The following ENPP6 variants were observed in gnomAD, a reference collection of about 807,000 sequenced individuals.
ENPP6 encodes ectonucleotide pyrophosphatase/phosphodiesterase 6, also known as glycerophosphocholine cholinephosphodiesterase ENPP6.
A neutral mutation model predicts 42.0 loss-of-function variants in ENPP6; 32 were observed. That is an observed-to-expected ratio of 0.76 (90% CI 0.58 to 1.02). ENPP6 has a LOEUF of 1.02. Among genes scored for constraint, ENPP6 ranks in the 50% least tolerant of loss-of-function variants. The probability of loss-of-function intolerance (pLI) is 0.00; values close to 1 mark genes in which losing one functional copy is unlikely to be tolerated. For synonymous variants in ENPP6, 213 were observed against 216.0 expected, an observed-to-expected ratio of 0.99 and a Z score of 0.12; for missense variants, 552 against 566.8, an observed-to-expected ratio of 0.97 and a Z score of 0.27.
chr4:184,200,336 G>A (rs976922230), intron 1 of ENPP6, among the ~76,000 whole-genome samples: 5 of 152,178 alleles, frequency 3.3e-5, no homozygotes, highest in Non-Finnish European at 5.9e-5. Context: ...AGCCATCGCC[G>A]CGTTTCCTTA....
chr4:184,193,608 G>C (rs1183788198), intron 1 of ENPP6, among the ~76,000 whole-genome samples: 1 of 152,152 alleles, frequency 6.6e-6, no homozygotes, highest in East Asian at 1.9e-4. Context: ...TCTTAAAATG[G>C]CTAGATTTTA....
rs1560982025 is a variant in ENPP6, at chr4:184,113,965, C to CTTTCTTTCTT, written c.856-1157_856-1156insAAGAAAGAAA. Among the ~76,000 whole-genome samples, 240 of 36,508 alleles carry CTTTCTTTCTT rather than the reference C, an allele frequency of 6.6e-3. 3 individuals are homozygous for CTTTCTTTCTT. Among genetic ancestry groups the CTTTCTTTCTT allele is most frequent in the Non-Finnish European group, 8.1e-3 (131 of 16,260 alleles). 24.0% of individuals were successfully genotyped at this position (36,508 alleles called of 152,430 possible). A position where few individuals can be genotyped will look rare whatever the true frequency, so the allele number is the denominator to read the frequency against. ...TTTCTTTCTTTCTTTCTTTCTTTCT[C>CTTTCTTTCTT]TCTTTCTTTCTTTCTTTTTGATGGA... On this transcript the variant is annotated intron_variant, in intron 5 of 7. Coordinates refer to ENST00000296741, the MANE Select transcript of ENPP6 (RefSeq NM_153343.4).
chr4:184,169,373 C>T (rs1737419379), intron 1 of ENPP6, among the ~76,000 whole-genome samples: 1 of 152,134 alleles, frequency 6.6e-6, no homozygotes, highest in Admixed American at 6.5e-5. Flanking sequence ...AGACATGGCC[C>T]CAGGAAGAGA....
intron 6 of ENPP6, among the ~76,000 whole-genome samples, chr4:184,099,960 C>T (rs1349548050): frequency 2.6e-5 from 4 of 152,218 alleles, no homozygotes; most frequent in Admixed American, 2.0e-4. Context: ...CTGTGTGTGC[C>T]CCATGGCAAA....
chr4:184,109,756 T>C (rs1400237294), intron 6 of ENPP6, among the ~76,000 whole-genome samples: 1 of 152,250 alleles, frequency 6.6e-6, no homozygotes, highest in Non-Finnish European at 1.5e-5. Flanking sequence ...CATTCTTCCT[T>C]TCTGTTCTGT....
intron 6 of ENPP6, among the ~76,000 whole-genome samples, chr4:184,104,891 G>A (rs147854325): frequency 1.8e-3 from 273 of 152,340 alleles, no homozygotes; most frequent in African/African-American, 6.2e-3. Flanking sequence ...GCAAGGCAGA[G>A]TCCAAAACAG....
intron 1 of ENPP6, among the ~76,000 whole-genome samples, chr4:184,209,199 G>A (rs1335059289): frequency 3.3e-5 from 5 of 151,772 alleles, no homozygotes; most frequent in South Asian, 4.2e-4. Context: ...CCAAAGGAAC[G>A]CAGCTCCTCA....
intron 1 of ENPP6, among the ~76,000 whole-genome samples, chr4:184,193,183 A>G (rs1422097716): frequency 6.6e-6 from 1 of 152,244 alleles, no homozygotes; most frequent in East Asian, 1.9e-4. Flanking sequence ...AGGCTTGTGC[A>G]CAAATGTTCA....
rs759783423 is a variant in ENPP6, at chr4:184,146,578, G to A, written c.421+6976C>T. ...ATAGCCGCAAAGTCCAGAGCTGGCC[G>A]GGGTGCCCCGTTAATAAATGCAGAT... On this transcript the variant is annotated intron_variant, in intron 2 of 7. Transcript: ENST00000296741. Among the ~76,000 whole-genome samples the A allele has an allele frequency of 1.3e-4, 20 of 152,218 alleles. 1 individual carries two copies. Among genetic ancestry groups the A allele is most frequent in the African/African-American group, 4.1e-4 (17 of 41,456 alleles).
At chr4:184,137,663 G>A (rs558391906) in intron 2 of ENPP6, among the ~76,000 whole-genome samples, 21 of 152,306 alleles carry the variant, frequency 1.4e-4, no homozygotes, top group Non-Finnish European at 2.4e-4. Context: ...TCTTTATGAA[G>A]GCTTGCCCCT....
intron 1 of ENPP6, among the ~76,000 whole-genome samples, chr4:184,217,319 A>G (rs938633989): frequency 6.6e-6 from 1 of 152,228 alleles, no homozygotes; most frequent in African/African-American, 2.4e-5. Context: ...AATATCGTCA[A>G]ATATCATGTA....
intron 1 of ENPP6, among the ~76,000 whole-genome samples, chr4:184,159,810 CT>C (rs2111083166): frequency 6.6e-6 from 1 of 152,270 alleles, no homozygotes; most frequent in Non-Finnish European, 1.5e-5. Flanking sequence ...CCATCCCACC[CT>C]TTTGCCATGA....
At chr4:184,202,678 G>A (rs537804939) in intron 1 of ENPP6, among the ~76,000 whole-genome samples, 1 of 152,206 alleles carries the variant, frequency 6.6e-6, no homozygotes, top group South Asian at 2.1e-4. Context: ...TTTAGAAGTT[G>A]CTTTTTTCAG....
intron 1 of ENPP6, among the ~76,000 whole-genome samples, chr4:184,199,344 G>A (rs1732855855): frequency 6.6e-6 from 1 of 152,186 alleles, no homozygotes; most frequent in Admixed American, 6.5e-5. Context: ...GGGCTGGGGG[G>A]CAGGTTCCAG....
chr4:184,195,801 A>G (rs575273504), intron 1 of ENPP6, among the ~76,000 whole-genome samples: 2 of 152,360 alleles, frequency 1.3e-5, no homozygotes, highest in Middle Eastern at 3.4e-3. Context: ...TTATACACCC[A>G]AGTCTGTGAA....
chr4:184,207,750 C>T (rs1733024668), intron 1 of ENPP6, among the ~76,000 whole-genome samples: 1 of 152,230 alleles, frequency 6.6e-6, no homozygotes, highest in Middle Eastern at 3.2e-3. Context: ...GCCCTACTCC[C>T]TATTCTCTGT....
rs375249112 is a variant in ENPP6 at position 184,117,741 on chromosome 4, G to C, written c.675+18C>G. On this transcript the variant is annotated intron_variant, in intron 4 of 7. Coordinates refer to ENST00000296741, the MANE Select transcript of ENPP6 (RefSeq NM_153343.4). The stretch of plus-strand genomic sequence containing the variant: ...TGACAGAGAGAAGGCCAGGCCACGT[G>C]TCTTTGCTTCAGGTCACCTGGATCC... The C allele has an allele frequency of 2.2e-5, 35 of 1,612,116 alleles. No homozygotes were observed. The African/African-American group carries it at 4.5e-4, about 21-fold the overall frequency.
intron 2 of ENPP6, among the ~76,000 whole-genome samples, chr4:184,132,192 G>T (rs1033027169): frequency 2.0e-5 from 3 of 152,050 alleles, no homozygotes; most frequent in South Asian, 2.1e-4. Context: ...GAAACACACA[G>T]AAATAATATT....
At chr4:184,177,444 C>T (rs191399369) in intron 1 of ENPP6, among the ~76,000 whole-genome samples, 3 of 152,328 alleles carry the variant, frequency 2.0e-5, no homozygotes, top group East Asian at 3.9e-4. Flanking sequence ...CTGCTGGCTC[C>T]GTGGAATCTG....
Sources: gnomAD v4.1 joint callset for allele counts (sites outside exome capture counted in the v4.1 genomes callset) on GRCh38, gnomAD v4.1.1 for gene constraint, MANE v1.5 for transcripts, NCBI Gene and HGNC (gene_info 2026-07-23, HGNC 2026-07-21) for gene names.